The following STK32B variants were observed in gnomAD, a reference collection of about 807,000 sequenced individuals.
STK32B encodes the protein serine/threonine kinase 32B, also known as serine/threonine-protein kinase 32B.
In STK32B, 43 loss-of-function variants were observed where a neutral mutation model predicts 52.6. The observed-to-expected ratio is 0.82, with a 90% CI of 0.64 to 1.05. The LOEUF is 1.05. STK32B is among the 50% of genes least tolerant of loss of function. STK32B has a pLI of 0.00. For synonymous variants in STK32B, 238 were observed against 204.3 expected (o/e 1.17, Z -1.41); for missense variants, 621 against 534.6 (o/e 1.16, Z -1.59).
intron 3 of STK32B, among the ~76,000 whole-genome samples, chr4:5,223,531 C>G (rs993596077): frequency 2.0e-5 from 3 of 152,110 alleles, no homozygotes. Flanking sequence ...AGATTATTCT[C>G]AGCCAGGCGC....
intron 2 of STK32B, among the ~76,000 whole-genome samples, chr4:5,153,491 CT>C (rs143428773): frequency 0.037 from 5,471 of 148,242 alleles, 252 homozygotes; most frequent in African/African-American, 0.1. Flanking sequence ...ATTTGGTAAA[CT>C]TCAACATTCA....
chr4:5,126,949 G>A (rs568232423), intron 1 of STK32B, among the ~76,000 whole-genome samples: 10 of 152,288 alleles, frequency 6.6e-5, no homozygotes, highest in Non-Finnish European at 1.0e-4. Flanking sequence ...AGAAAGGGGA[G>A]TGGTGATAGG....
At chr4:5,081,608 A>G (rs1357898591) in intron 1 of STK32B, among the ~76,000 whole-genome samples, 1 of 151,820 alleles carries the variant, frequency 6.6e-6, no homozygotes, top group Non-Finnish European at 1.5e-5. Flanking sequence ...GGATAATTTC[A>G]AAAGACCTTT....
intron 5 of STK32B, among the ~76,000 whole-genome samples, chr4:5,411,509 C>G (rs909095269): frequency 1.3e-5 from 2 of 152,142 alleles, no homozygotes; most frequent in Non-Finnish European, 1.5e-5. Context: ...CTTGCATAGC[C>G]TTTCCATTGT....
At chr4:5,210,632 T>C (rs901431589) in intron 3 of STK32B, among the ~76,000 whole-genome samples, 4 of 152,118 alleles carry the variant, frequency 2.6e-5, no homozygotes, top group African/African-American at 9.7e-5. Context: ...AGGTGTGAAG[T>C]CCACTGTTAT....
At chr4:5,153,263 G>T (rs936389783) in intron 2 of STK32B, among the ~76,000 whole-genome samples, 2 of 152,168 alleles carry the variant, frequency 1.3e-5, no homozygotes, top group Admixed American at 1.3e-4. Context: ...GATTGGGGAG[G>T]TCTGGCTCTG....
At chr4:5,296,193 A>G (rs150073963) in intron 3 of STK32B, among the ~76,000 whole-genome samples, 4,801 of 152,212 alleles carry the variant, frequency 0.032, 225 homozygotes, top group African/African-American at 0.11. Context: ...TATGTGGTCA[A>G]TTTTAGAATA....
chr4:5,443,369 T>G (rs1005369660), intron 6 of STK32B, among the ~76,000 whole-genome samples: 3 of 152,100 alleles, frequency 2.0e-5, no homozygotes, highest in African/African-American at 7.2e-5. Flanking sequence ...CTTCCATTGC[T>G]GATACCCTTT....
intron 2 of STK32B, chr4:5,140,374 A>T: frequency 9.0e-7 from 1 of 1,105,640 alleles, no homozygotes; most frequent in Non-Finnish European, 1.1e-6. Flanking sequence ...AGAAGATGGC[A>T]GGAGTTTTTA....
At chr4:5,218,541 A>G (rs938532339) in intron 3 of STK32B, among the ~76,000 whole-genome samples, 3 of 152,158 alleles carry the variant, frequency 2.0e-5, no homozygotes, top group Non-Finnish European at 4.4e-5. Flanking sequence ...GGGGGAGGAC[A>G]TGGCTCCGGG....
At chr4:5,356,590 G>T (rs1734182111) in intron 4 of STK32B, among the ~76,000 whole-genome samples, 3 of 152,104 alleles carry the variant, frequency 2.0e-5, no homozygotes, top group Admixed American at 2.0e-4. Context: ...GGGCTTCCCT[G>T]CAGTCGCTTA....
At chr4:5,480,959 C>T (rs2109197483) in intron 11 of STK32B, among the ~76,000 whole-genome samples, 1 of 152,184 alleles carries the variant, frequency 6.6e-6, no homozygotes, top group East Asian at 1.9e-4. Context: ...ATATGTGCCA[C>T]ATTCCTTTAA....
intron 3 of STK32B, among the ~76,000 whole-genome samples, chr4:5,302,308 C>G (rs1729618200): frequency 6.6e-6 from 1 of 151,522 alleles, no homozygotes; most frequent in African/African-American, 2.4e-5. Flanking sequence ...GTTTTCAGAG[C>G]TAAAATTCCT....
chr4:5,084,835 T>C (rs1712629664), intron 1 of STK32B, among the ~76,000 whole-genome samples: 1 of 152,220 alleles, frequency 6.6e-6, no homozygotes, highest in Non-Finnish European at 1.5e-5. Context: ...CCTTTAATGC[T>C]TATGCCAGAG....
At chr4:5,312,283 T>A (rs140507766) in intron 3 of STK32B, among the ~76,000 whole-genome samples, 1 of 146,776 alleles carries the variant, frequency 6.8e-6, no homozygotes, top group East Asian at 1.9e-4. Context: ...ATTATTAGGT[T>A]TCTTTTTTTA....
the STK32B span, among the ~76,000 whole-genome samples, chr4:5,037,754 C>T: frequency 6.6e-6 from 1 of 152,198 alleles, no homozygotes; most frequent in Non-Finnish European, 1.5e-5. Context: ...ATTAAAATGT[C>T]ACCATGTTTC....
At chr4:5,169,082 G>A (rs1029673584) in intron 3 of STK32B, among the ~76,000 whole-genome samples, 29 of 152,266 alleles carry the variant, frequency 1.9e-4, no homozygotes, top group African/African-American at 7.0e-4. Flanking sequence ...ACCAACACCT[G>A]TGCATTCCTG....
At position 5,239,777 on chromosome 4, in the gene STK32B, G is replaced by A. The variant is rs187080563; in HGVS notation, c.260+71327G>A. 5.7e-3 allele frequency among the ~76,000 whole-genome samples: 865 copies of A among 150,902 alleles called. 10 individuals carry two copies. The highest frequency in any genetic ancestry group is 4.0e-3 in the Non-Finnish European group (270 of 67,720). On this transcript the variant is annotated intron_variant, in intron 3 of 11. Coordinates refer to ENST00000282908, the MANE Select transcript of STK32B (RefSeq NM_018401.3). ...AGAGTCAGAATTTTTTTTTTTTCTGGAATGAATGACTAAAGGTTAAAATCT... is the reference window on the plus strand; with the variant it reads ...AGAGTCAGAATTTTTTTTTTTTCTGAAATGAATGACTAAAGGTTAAAATCT...
intron 3 of STK32B, among the ~76,000 whole-genome samples, chr4:5,241,835 T>C (rs1577232956): frequency 6.6e-6 from 1 of 152,172 alleles, no homozygotes; most frequent in South Asian, 2.1e-4. Context: ...TGTTTGGTTT[T>C]TTGTCCTCGC....
Sources: allele counts gnomAD v4.1 joint callset (sites outside exome capture counted in the v4.1 genomes callset), GRCh38; gene constraint gnomAD v4.1.1; transcripts MANE v1.5; gene names NCBI Gene and HGNC (gene_info 2026-07-23, HGNC 2026-07-21).